Variants in ACER3 observed in about 807,000 individuals in gnomAD.
ACER3 encodes the protein alkaline ceramidase 3.
In ACER3, 16 loss-of-function variants were observed where a neutral mutation model predicts 48.9. The ratio of observed to expected loss-of-function variants is 0.33; its 90% confidence interval spans 0.22 to 0.50. The LOEUF is 0.50. Among genes scored for constraint, ACER3 ranks in the 20% least tolerant of loss-of-function variants. The pLI is 0.98. For synonymous variants in ACER3, 109 were observed against 107.8 expected (o/e 1.01, Z -0.07); for missense variants, 227 against 326.0 (o/e 0.70, Z 2.34).
intron 1 of ACER3, among the ~76,000 whole-genome samples, chr11:76,864,044 A>G (rs904312209): frequency 1.3e-5 from 2 of 152,232 alleles, no homozygotes; most frequent in Non-Finnish European, 2.9e-5. Flanking sequence ...TCTTTCAACT[A>G]TCTTTCAGCA....
At chr11:76,979,460 T>C (rs1948529197) in intron 4 of ACER3, among the ~76,000 whole-genome samples, 1 of 152,142 alleles carries the variant, frequency 6.6e-6, no homozygotes, top group Non-Finnish European at 1.5e-5. Flanking sequence ...AACAGCAGCC[T>C]GGCCAACATG....
chr11:76,990,832 T>C (rs924906456), intron 6 of ACER3, among the ~76,000 whole-genome samples: 13 of 152,178 alleles, frequency 8.5e-5, no homozygotes, highest in African/African-American at 3.1e-4. Flanking sequence ...GGTGCAACAT[T>C]GCTATTATAA....
At chr11:76,910,291 T>G (rs1446857416) in intron 1 of ACER3, among the ~76,000 whole-genome samples, 1 of 152,130 alleles carries the variant, frequency 6.6e-6, no homozygotes, top group Non-Finnish European at 1.5e-5. Flanking sequence ...TAAAAAATTA[T>G]GATTTTCACA....
intron 2 of ACER3, among the ~76,000 whole-genome samples, chr11:76,949,980 C>T (rs148263686): frequency 6.6e-6 from 1 of 152,214 alleles, no homozygotes; most frequent in East Asian, 1.9e-4. Flanking sequence ...GTATTTTCAC[C>T]TTTCTGCCTT....
At chr11:76,997,616 C>G (rs1188559898) in intron 6 of ACER3, among the ~76,000 whole-genome samples, 1 of 151,988 alleles carries the variant, frequency 6.6e-6, no homozygotes, top group African/African-American at 2.4e-5. Context: ...TCTTTTGTAC[C>G]CTCATCCACA....
At chr11:76,948,967 A>C (rs1351228025) in intron 2 of ACER3, among the ~76,000 whole-genome samples, 2 of 152,244 alleles carry the variant, frequency 1.3e-5, no homozygotes, top group Non-Finnish European at 2.9e-5. Flanking sequence ...AAAGAGATTT[A>C]AGCAGCTCTC....
intron 1 of ACER3, among the ~76,000 whole-genome samples, chr11:76,902,532 G>A (rs1322912488): frequency 2.6e-5 from 4 of 152,156 alleles, no homozygotes; most frequent in Non-Finnish European, 5.9e-5. Context: ...GTTGGCAACC[G>A]CAGCTGCAGA....
chr11:76,937,835 A>G (rs1036668972), intron 2 of ACER3, among the ~76,000 whole-genome samples: 5 of 152,238 alleles, frequency 3.3e-5, no homozygotes, highest in Non-Finnish European at 7.3e-5. Flanking sequence ...TATCCAGACT[A>G]AATCTGATTA....
At chr11:76,988,165 T>G (rs1347581798) in intron 5 of ACER3, among the ~76,000 whole-genome samples, 1 of 152,202 alleles carries the variant, frequency 6.6e-6, no homozygotes, top group African/African-American at 2.4e-5. Context: ...ATAGAAATTT[T>G]CAGTTGGAAG....
chr11:76,926,148 C>T (rs1261484013), intron 1 of ACER3, among the ~76,000 whole-genome samples: 2 of 152,072 alleles, frequency 1.3e-5, no homozygotes, highest in Non-Finnish European at 2.9e-5. Flanking sequence ...CTTTTTTATT[C>T]CAAGTAACAA....
At chr11:76,891,085 C>T (rs1418187019) in intron 1 of ACER3, among the ~76,000 whole-genome samples, 2 of 151,118 alleles carry the variant, frequency 1.3e-5, no homozygotes, top group African/African-American at 4.9e-5. Flanking sequence ...CACCACTGCA[C>T]TCCAGCCTGG....
intron 2 of ACER3, among the ~76,000 whole-genome samples, chr11:76,947,828 A>ACT (rs1947516619): frequency 6.6e-6 from 1 of 152,238 alleles, no homozygotes; most frequent in African/African-American, 2.4e-5. Context: ...ATATGGAAGT[A>ACT]TGATTTTCAG....
intron 8 of ACER3, 29 bp from the exon 9 acceptor site, chr11:77,016,646 A>T: frequency 8.2e-7 from 1 of 1,214,910 alleles, no homozygotes; most frequent in Non-Finnish European, 1.2e-6. Context: ...TTAAAAATTT[A>T]ACGTGATTTT....
intron 1 of ACER3, among the ~76,000 whole-genome samples, chr11:76,871,494 G>A (rs1317399218): frequency 6.6e-6 from 1 of 152,204 alleles, no homozygotes; most frequent in Non-Finnish European, 1.5e-5. Flanking sequence ...CAGGTCATAG[G>A]TGGATTTAAA....
intron 1 of ACER3, chr11:76,868,000 C>T (rs1213537929): frequency 7.6e-6 from 6 of 793,690 alleles, no homozygotes; most frequent in Non-Finnish European, 8.6e-6. Context: ...TTTTTCCTTG[C>T]TGCTGCAGCA....
chr11:77,003,866 T>G (rs1184424717), intron 7 of ACER3, among the ~76,000 whole-genome samples: 1 of 152,206 alleles, frequency 6.6e-6, no homozygotes, highest in African/African-American at 2.4e-5. Flanking sequence ...CTATTGTCAT[T>G]CTTGATTTCT....
chr11:76,900,304 G>A (rs2134664184), intron 1 of ACER3, among the ~76,000 whole-genome samples: 1 of 152,346 alleles, frequency 6.6e-6, no homozygotes, highest in Admixed American at 6.5e-5. Flanking sequence ...GGTGGCAGAG[G>A]CAGAAGAGGT....
At position 77,024,550 on chromosome 11, in the gene ACER3, T is replaced by C. The variant is rs1242375820; in HGVS notation, c.*4223T>C. 1 of 152,178 alleles carries C rather than the reference T, an allele frequency of 6.6e-6. No individual in the cohort carries two copies. Among genetic ancestry groups the C allele is most frequent in the Non-Finnish European group, 1.5e-5 (1 of 68,028 alleles). The allele number at this position is 152,178 out of a possible 1,614,324, so 9.4% of individuals were successfully genotyped here. A position where few individuals can be genotyped will look rare whatever the true frequency, so the allele number is the denominator to read the frequency against. ...AACCTTGACATTGCTGAAAGAAAAG[T>C]GGAAACTGTAAGGGACAACAAGTTT... is the stretch of plus-strand genomic sequence containing the variant. On this transcript the variant is annotated 3_prime_UTR_variant, in exon 11 of 11. Transcript: ENST00000532485.
At chr11:76,926,946 A>C (rs972764235) in intron 2 of ACER3, among the ~76,000 whole-genome samples, 9 of 152,162 alleles carry the variant, frequency 5.9e-5, no homozygotes, top group African/African-American at 2.2e-4. Context: ...AGGTCCTAAC[A>C]ATTTATAATA....
Sources: allele counts gnomAD v4.1 joint callset (sites outside exome capture counted in the v4.1 genomes callset), GRCh38; gene constraint gnomAD v4.1.1; transcripts MANE v1.5; gene names NCBI Gene and HGNC (gene_info 2026-07-23, HGNC 2026-07-21).